The following SPMIP8 variants were observed in gnomAD, a reference collection of about 807,000 sequenced individuals.
The protein encoded by SPMIP8 is testicular tissue protein Li 196.
the SPMIP8 span, chr16:57,985,542 T>TC: frequency 1.3e-6 from 2 of 1,596,932 alleles, no homozygotes; most frequent in Non-Finnish European, 1.7e-6. Flanking sequence ...GCCTTTCGAC[T>TC]CCCTGTAAGT....
chr16:57,978,642 GT>G, the SPMIP8 span, among the ~76,000 whole-genome samples: 1 of 152,024 alleles, frequency 6.6e-6, no homozygotes, highest in South Asian at 2.1e-4. Context: ...TGAAGACAGT[GT>G]CTTACTCTGT....
At chr16:57,981,904 T>C in the SPMIP8 span, among the ~76,000 whole-genome samples, 1 of 152,188 alleles carries the variant, frequency 6.6e-6, no homozygotes, top group Non-Finnish European at 1.5e-5. Context: ...TGTCCCATTA[T>C]GGCTGGGAAC....
At chr16:57,984,174 G>C in the SPMIP8 span, 1 of 833,536 alleles carries the variant, frequency 1.2e-6, no homozygotes, top group Non-Finnish European at 2.1e-6. Flanking sequence ...GAAGTGCTGG[G>C]ATTACAGGTG....
the SPMIP8 span, chr16:57,976,606 G>C: frequency 3.0e-5 from 49 of 1,613,964 alleles, no homozygotes; most frequent in Non-Finnish European, 4.1e-5. Context: ...ACCTGGGCCT[G>C]GGCCCTACAG....
At chr16:57,981,959 G>T in the SPMIP8 span, among the ~76,000 whole-genome samples, 4 of 152,182 alleles carry the variant, frequency 2.6e-5, no homozygotes, top group Admixed American at 1.3e-4. Flanking sequence ...CAAGAGGGGG[G>T]TCCGCTCAGT....
chr16:57,977,727 G>A, the SPMIP8 span: 34 of 1,410,008 alleles, frequency 2.4e-5, no homozygotes, highest in Non-Finnish European at 2.7e-5. Context: ...AGTAGACATC[G>A]GCACTGGCCA....
chr16:57,976,893 C>T, the SPMIP8 span, among the ~76,000 whole-genome samples: 2 of 152,230 alleles, frequency 1.3e-5, no homozygotes, highest in African/African-American at 4.8e-5. Context: ...GACTGAAAGG[C>T]TCCTGGGACT....
At chr16:57,977,183 G>T in the SPMIP8 span, among the ~76,000 whole-genome samples, 6 of 152,114 alleles carry the variant, frequency 3.9e-5, no homozygotes, top group African/African-American at 1.4e-4. Flanking sequence ...GCTGAGGCGG[G>T]TGGATCACTT....
the SPMIP8 span, among the ~76,000 whole-genome samples, chr16:57,983,463 TTTA>T: frequency 0.027 from 4,150 of 152,264 alleles, 190 homozygotes; most frequent in African/African-American, 0.093. Flanking sequence ...CTTCTGGATT[TTTA>T]ATTAAAATTA....
the SPMIP8 span, among the ~76,000 whole-genome samples, chr16:57,981,389 A>AATAATAATTATTATTATTATTATT: frequency 3.0e-5 from 4 of 132,912 alleles, no homozygotes; most frequent in South Asian, 4.7e-4. Context: ...CAATAATAAT[A>AATAATAATTATTATTATTATTATT]ATAATTATTA....
chr16:57,977,950 C>A, the SPMIP8 span: 2 of 1,614,170 alleles, frequency 1.2e-6, no homozygotes, highest in South Asian at 2.2e-5. Context: ...TACCACCCAG[C>A]CCTGCCCACC....
the SPMIP8 span, among the ~76,000 whole-genome samples, chr16:57,985,006 G>A: frequency 6.6e-6 from 1 of 152,190 alleles, no homozygotes; most frequent in Non-Finnish European, 1.5e-5. Context: ...TGCCCTTGGG[G>A]AGGGGGCGGA....
chr16:57,978,852 A>C, the SPMIP8 span, among the ~76,000 whole-genome samples: 1 of 152,124 alleles, frequency 6.6e-6, no homozygotes, highest in Non-Finnish European at 1.5e-5. Context: ...CCTGGGTTCA[A>C]ACGATCCTCC....
the SPMIP8 span, chr16:57,986,151 G>A: frequency 9.8e-6 from 5 of 512,330 alleles, no homozygotes; most frequent in Non-Finnish European, 1.6e-5. Flanking sequence ...GGTGGACGCG[G>A]GAGGGGGTCC....
chr16:57,980,765 G>C, the SPMIP8 span, among the ~76,000 whole-genome samples: 1 of 152,134 alleles, frequency 6.6e-6, no homozygotes, highest in African/African-American at 2.4e-5. Flanking sequence ...CAAAAACATG[G>C]CTCTTTACAG....
chr16:57,985,393 G>T, the SPMIP8 span: 1 of 1,608,456 alleles, frequency 6.2e-7, no homozygotes, highest in South Asian at 1.1e-5. Flanking sequence ...CAGGACCACG[G>T]TCTCTAGCAG....
the SPMIP8 span, chr16:57,985,387 A>G: frequency 6.2e-7 from 1 of 1,605,656 alleles, no homozygotes; most frequent in Non-Finnish European, 8.5e-7. Context: ...AGTCTTCAGG[A>G]CCACGGTCTC....
the SPMIP8 span, among the ~76,000 whole-genome samples, chr16:57,981,389 A>AATTATAATTATTATTATTATT: frequency 6.8e-5 from 9 of 132,912 alleles, no homozygotes; most frequent in Non-Finnish European, 1.4e-4. Flanking sequence ...CAATAATAAT[A>AATTATAATTATTATTATTATT]ATAATTATTA....
the SPMIP8 span, chr16:57,978,044 G>C: frequency 3.1e-6 from 5 of 1,612,036 alleles, no homozygotes; most frequent in Non-Finnish European, 4.2e-6. Flanking sequence ...GCAAAGGTTA[G>C]GACACCAGTG....
Sources: gnomAD v4.1 joint callset for allele counts (sites outside exome capture counted in the v4.1 genomes callset) on GRCh38, gnomAD v4.1.1 for gene constraint, MANE v1.5 for transcripts, NCBI Gene and HGNC (gene_info 2026-07-23, HGNC 2026-07-21) for gene names.